Variants in SLC61A1 observed in about 807,000 individuals in gnomAD.
The protein encoded by SLC61A1 is major facilitator superfamily domain containing 5.
At chr12:53,252,889 G>C in the SLC61A1 span, 1 of 1,614,172 alleles carries the variant, frequency 6.2e-7, no homozygotes, top group Non-Finnish European at 8.5e-7. Context: ...CCTGCCTGGG[G>C]CTGGAACTGT....
the SLC61A1 span, chr12:53,253,895 T>C: frequency 6.2e-7 from 1 of 1,614,160 alleles, no homozygotes; most frequent in African/African-American, 1.3e-5. Context: ...TGAGTTGGCT[T>C]GTGGATTATA....
chr12:53,254,270 T>G, the SLC61A1 span: 4 of 1,491,520 alleles, frequency 2.7e-6, no homozygotes, highest in Non-Finnish European at 3.6e-6. Context: ...GTGACTGACT[T>G]TGTGACTGTC....
chr12:53,253,705 A>G, the SLC61A1 span: 1 of 1,614,038 alleles, frequency 6.2e-7, no homozygotes, highest in Non-Finnish European at 8.5e-7. Flanking sequence ...GCTTCATGGC[A>G]GCCAGCCTGC....
chr12:53,253,788 C>T, the SLC61A1 span: 1 of 1,614,222 alleles, frequency 6.2e-7, no homozygotes, highest in Non-Finnish European at 8.5e-7. Context: ...CTGTCCCTTG[C>T]TGTGCTCATC....
the SLC61A1 span, chr12:53,254,239 C>A: frequency 8.9e-6 from 14 of 1,571,388 alleles, no homozygotes; most frequent in African/African-American, 1.6e-4. Context: ...TCCAGCTATC[C>A]GGGATTGTAC....
the SLC61A1 span, chr12:53,252,110 C>T: frequency 6.9e-7 from 1 of 1,448,864 alleles, no homozygotes; most frequent in Non-Finnish European, 9.0e-7. Context: ...ATGAAGCCAT[C>T]ATGGCGGCGG....
chr12:53,253,360 C>T, the SLC61A1 span: 1 of 1,614,266 alleles, frequency 6.2e-7, no homozygotes, highest in Non-Finnish European at 8.5e-7. Flanking sequence ...CTCGAGCTGC[C>T]TTCTGGAACC....
the SLC61A1 span, chr12:53,254,051 C>G: frequency 6.2e-7 from 1 of 1,614,190 alleles, no homozygotes. Flanking sequence ...AACAGGCACT[C>G]GGAATATGTT....
At chr12:53,253,557 G>T in the SLC61A1 span, 1 of 1,613,954 alleles carries the variant, frequency 6.2e-7, no homozygotes. Flanking sequence ...GGAGGCCTGC[G>T]CTGCCTCCTG....
At chr12:53,253,235 C>T in the SLC61A1 span, 2 of 1,614,134 alleles carry the variant, frequency 1.2e-6, no homozygotes, top group South Asian at 1.1e-5. Context: ...GCTAGTGGGG[C>T]GAGCACTTGG....
chr12:53,251,751 G>A, the SLC61A1 span: 1 of 1,536,936 alleles, frequency 6.5e-7, no homozygotes, highest in Non-Finnish European at 8.7e-7. Context: ...CACTGCAGTG[G>A]GAGAGGAGGC....
the SLC61A1 span, chr12:53,253,807 C>A: frequency 1.2e-6 from 2 of 1,614,226 alleles, no homozygotes; most frequent in Non-Finnish European, 8.5e-7. Context: ...TCGTCGTCTT[C>A]TCTCTCTTCA....
At chr12:53,252,395 A>C in the SLC61A1 span, 1 of 1,292,242 alleles carries the variant, frequency 7.7e-7, no homozygotes, top group Non-Finnish European at 9.8e-7. Context: ...CCCTGAAGCA[A>C]CTCGAGAGGC....
chr12:53,254,297 C>A, the SLC61A1 span: 1 of 1,363,886 alleles, frequency 7.3e-7, no homozygotes, highest in Non-Finnish European at 1.0e-6. Context: ...TTTCTCCTGC[C>A]ATTGCTTTGT....
the SLC61A1 span, chr12:53,253,518 G>T: frequency 2.5e-6 from 4 of 1,614,032 alleles, no homozygotes; most frequent in Non-Finnish European, 3.4e-6. Flanking sequence ...AACTATGACC[G>T]GCAGCGTGCC....
the SLC61A1 span, chr12:53,253,489 C>T: frequency 6.8e-6 from 11 of 1,614,138 alleles, no homozygotes; most frequent in Admixed American, 1.7e-5. Context: ...GGGCCTTGGC[C>T]CTTCGAAACT....
the SLC61A1 span, chr12:53,251,936 C>T: frequency 2.6e-6 from 4 of 1,536,826 alleles, no homozygotes; most frequent in African/African-American, 2.7e-5. Context: ...GCAGGTGTCA[C>T]GGGATGGCAG....
At chr12:53,251,900 C>A in the SLC61A1 span, 1 of 1,537,282 alleles carries the variant, frequency 6.5e-7, no homozygotes, top group Non-Finnish European at 8.7e-7. Flanking sequence ...TCAGGGTGGC[C>A]CCTCAGGCAT....
At chr12:53,253,777 G>T in the SLC61A1 span, 1 of 1,614,026 alleles carries the variant, frequency 6.2e-7, no homozygotes, top group South Asian at 1.1e-5. Context: ...CCATGCACCT[G>T]CTGTCCCTTG....
Sources: allele counts gnomAD v4.1 joint callset, GRCh38; gene constraint gnomAD v4.1.1; transcripts MANE v1.5; gene names NCBI Gene and HGNC (gene_info 2026-07-23, HGNC 2026-07-21).